PTPN14: variants seen among roughly 807,000 people sequenced by gnomAD.
PTPN14 encodes the protein protein tyrosine phosphatase non-receptor type 14, also known as tyrosine-protein phosphatase non-receptor type 14.
In PTPN14, 53 loss-of-function variants were observed where a neutral mutation model predicts 126.8. That is an observed-to-expected ratio of 0.42 (90% CI 0.34 to 0.53). PTPN14 has a LOEUF of 0.53. Ranked by LOEUF, PTPN14 falls within the 20% of genes least tolerant of loss-of-function variation. The pLI is 0.08. For missense variants in PTPN14, 1,257 were observed against 1,552.9 expected (o/e 0.81, Z 3.20); for synonymous variants, 630 against 599.3 (o/e 1.05, Z -0.75).
chr1:214,423,334 C>A (rs900984207), intron 3 of PTPN14, among the ~76,000 whole-genome samples: 1 of 151,902 alleles, frequency 6.6e-6, no homozygotes, highest in Non-Finnish European at 1.5e-5. Context: ...CCCCGCAACA[C>A]CCCCCAAAAA....
chr1:214,372,384 G>T, intron 16 of PTPN14: 1 of 309,998 alleles, frequency 3.2e-6, no homozygotes, highest in South Asian at 2.7e-5. Context: ...TTTTCGTTTG[G>T]CACAGAAAGT....
intron 1 of PTPN14, among the ~76,000 whole-genome samples, chr1:214,526,578 C>CCTT (rs1047598394): frequency 2.2e-4 from 33 of 150,470 alleles, no homozygotes; most frequent in African/African-American, 7.8e-4. Context: ...GAAAAAAAAA[C>CCTT]AGTTCTTAGA....
intron 1 of PTPN14, among the ~76,000 whole-genome samples, chr1:214,477,308 T>G (rs1571606968): frequency 6.6e-6 from 1 of 152,192 alleles, no homozygotes; most frequent in Non-Finnish European, 1.5e-5. Flanking sequence ...AAAACAAAGC[T>G]TCTAAACAGA....
intron 9 of PTPN14, 147 bp downstream of exon 9, chr1:214,394,752 G>T: frequency 1.3e-6 from 1 of 746,736 alleles, no homozygotes; most frequent in South Asian, 1.6e-5. Flanking sequence ...AATGAGTAAT[G>T]ACAGCACTGA....
Position 214,369,605 on chromosome 1 carries a change from G to A in PTPN14, c.3123C>T (p.Thr1041=). The change falls in exon 17 of 19, where the codon ACC becomes ACT. Residue 1041 remains threonine, a synonymous_variant. Coordinates refer to ENST00000366956, the MANE Select transcript of PTPN14 (RefSeq NM_005401.5). The part of the protein sequence containing the change: ...SSATYGKFKV[T]TKFRTDSVCY... Reference sequence around the variant, plus strand: ...AAACAGAATCCGTTCGAAACTTCGTGGTGACCTTGAACTTGCCATAGGTGG... The same window carrying A: ...AAACAGAATCCGTTCGAAACTTCGTAGTGACCTTGAACTTGCCATAGGTGG... 1 of 1,614,142 alleles carries A rather than the reference G, an allele frequency of 6.2e-7. No individual in the cohort carries two copies.
intron 18 of PTPN14, among the ~76,000 whole-genome samples, chr1:214,361,606 G>A (rs755294608): frequency 6.6e-6 from 1 of 152,218 alleles, no homozygotes; most frequent in Non-Finnish European, 1.5e-5. Context: ...TATGAAGGAG[G>A]TATAACTTAC....
chr1:214,500,624 A>G (rs7531731), intron 1 of PTPN14, among the ~76,000 whole-genome samples: 120,491 of 152,068 alleles, frequency 0.79, 48,249 homozygotes, highest in African/African-American at 0.86. Flanking sequence ...CCACTGAGGG[A>G]CAGACAGAAA....
chr1:214,414,066 T>C (rs1659369730), intron 4 of PTPN14, among the ~76,000 whole-genome samples: 1 of 152,022 alleles, frequency 6.6e-6, no homozygotes, highest in Admixed American at 6.6e-5. Flanking sequence ...ACATATAAAG[T>C]CCCACACATA....
chr1:214,464,358 T>C (rs533208099), intron 2 of PTPN14, among the ~76,000 whole-genome samples: 1 of 152,170 alleles, frequency 6.6e-6, no homozygotes, highest in South Asian at 2.1e-4. Flanking sequence ...GAGTCTCTCA[T>C]TTTCAACTCC....
chr1:214,376,109 TG>T, intron 15 of PTPN14, 109 bp downstream of exon 15: 2 of 1,015,810 alleles, frequency 2.0e-6, no homozygotes, highest in Non-Finnish European at 2.9e-6. Context: ...CCTGAGGGTC[TG>T]GGGACAAGCC....
intron 1 of PTPN14, among the ~76,000 whole-genome samples, chr1:214,534,134 A>G (rs988160640): frequency 6.6e-6 from 1 of 152,200 alleles, no homozygotes; most frequent in African/African-American, 2.4e-5. Flanking sequence ...CAGCACTAGC[A>G]GGATGTGAGG....
At chr1:214,418,252 C>G (rs1558093545) in intron 3 of PTPN14, among the ~76,000 whole-genome samples, 1 of 152,332 alleles carries the variant, frequency 6.6e-6, no homozygotes. Flanking sequence ...GGAACAGAGC[C>G]TCAGACGACC....
intron 1 of PTPN14, among the ~76,000 whole-genome samples, chr1:214,493,451 G>C (rs2102420781): frequency 6.6e-6 from 1 of 152,184 alleles, no homozygotes; most frequent in East Asian, 1.9e-4. Flanking sequence ...TCCATGATGT[G>C]ATTATTATGT....
At chr1:214,408,707 T>C (rs1659227413) in intron 5 of PTPN14, among the ~76,000 whole-genome samples, 1 of 151,980 alleles carries the variant, frequency 6.6e-6, no homozygotes, top group African/African-American at 2.4e-5. Context: ...ACAGGAAGGA[T>C]GGTGAGGGTG....
chr1:214,535,379 G>T (rs944049032), intron 1 of PTPN14, among the ~76,000 whole-genome samples: 4 of 152,144 alleles, frequency 2.6e-5, no homozygotes, highest in African/African-American at 4.8e-5. Flanking sequence ...TAGTGCAAAG[G>T]TTATTATTCA....
intron 5 of PTPN14, 141 bp from the exon 6 acceptor site, chr1:214,403,094 G>T: frequency 1.3e-6 from 1 of 766,636 alleles, no homozygotes; most frequent in Non-Finnish European, 2.1e-6. Flanking sequence ...TAGAATTAAA[G>T]GTTGTAATTT....
chr1:214,512,511 G>C (rs979983705), intron 1 of PTPN14, among the ~76,000 whole-genome samples: 2 of 152,100 alleles, frequency 1.3e-5, no homozygotes, highest in Non-Finnish European at 2.9e-5. Flanking sequence ...CAAGTTCATG[G>C]AAACAGAGCA....
At chr1:214,412,020 C>A (rs954106093) in intron 4 of PTPN14, among the ~76,000 whole-genome samples, 1 of 152,088 alleles carries the variant, frequency 6.6e-6, no homozygotes, top group African/African-American at 2.4e-5. Context: ...AAATTTTAAA[C>A]AAACCTATAT....
At chr1:214,508,930 G>A (rs751506477) in intron 1 of PTPN14, among the ~76,000 whole-genome samples, 5 of 152,188 alleles carry the variant, frequency 3.3e-5, no homozygotes, top group Admixed American at 6.5e-5. Flanking sequence ...TGTTAGAGCC[G>A]TAGGTCTCAA....
Sources: gnomAD v4.1 joint callset for allele counts (sites outside exome capture counted in the v4.1 genomes callset) on GRCh38, gnomAD v4.1.1 for gene constraint, MANE v1.5 for transcripts, NCBI Gene and HGNC (gene_info 2026-07-23, HGNC 2026-07-21) for gene names.